The following DMD variants were observed in gnomAD, a reference collection of about 807,000 sequenced individuals.
DMD encodes mutant dystrophin.
In DMD, 63 loss-of-function variants were observed where a neutral mutation model predicts 330.1. The ratio of observed to expected loss-of-function variants is 0.19; its 90% CI spans 0.16 to 0.24. The LOEUF (loss-of-function observed/expected upper bound fraction) is 0.24. Among genes scored for constraint, DMD ranks in the 10% least tolerant of loss-of-function variants. DMD has a pLI of 1.00. For synonymous variants in DMD, 1,223 were observed against 959.8 expected (o/e 1.27, Z -5.07); for missense variants, 3,344 against 2,684.1 (o/e 1.25, Z -5.43).
chrX:33,029,944 G>A (rs759946643), intron 1 of DMD, among the ~76,000 whole-genome samples: 4 of 111,013 alleles, frequency 3.6e-5, no homozygotes, highest in Non-Finnish European at 7.6e-5. Context: ...AATGCAGGCC[G>A]GGGTTACATC....
intron 63 of DMD, among the ~76,000 whole-genome samples, chrX:31,225,766 TG>T (rs1257954053): frequency 8.9e-6 from 1 of 111,977 alleles, no homozygotes; most frequent in Non-Finnish European, 1.9e-5. Flanking sequence ...CTGATGCTGC[TG>T]GTCCAGGGAC....
chrX:32,802,876 G>A (rs2076680000), intron 7 of DMD, among the ~76,000 whole-genome samples: 1 of 111,844 alleles, frequency 8.9e-6, no homozygotes, highest in African/African-American at 3.3e-5. Flanking sequence ...CGGTTTGCCA[G>A]TATTTTATTG....
At chrX:32,636,178 C>T (rs1209850085) in intron 11 of DMD, among the ~76,000 whole-genome samples, 1 of 111,893 alleles carries the variant, frequency 8.9e-6, no homozygotes, top group African/African-American at 3.2e-5. Context: ...CTCTTTACAG[C>T]ACCTTCTTTC....
intron 7 of DMD, among the ~76,000 whole-genome samples, chrX:32,707,391 G>A (rs1328747535): frequency 8.9e-6 from 1 of 111,988 alleles, no homozygotes; most frequent in Non-Finnish European, 1.9e-5. Context: ...CAGAATGGAA[G>A]CTCTGCAGTG....
intron 44 of DMD, among the ~76,000 whole-genome samples, chrX:32,125,783 C>T (rs765082138): frequency 2.4e-4 from 26 of 110,587 alleles, no homozygotes; most frequent in African/African-American, 4.3e-4. Context: ...TGAAGTCCTG[C>T]GAGTTTTATC....
intron 59 of DMD, among the ~76,000 whole-genome samples, chrX:31,457,405 T>C (rs1458065186): frequency 8.9e-6 from 1 of 111,906 alleles, no homozygotes; most frequent in Non-Finnish European, 1.9e-5. Flanking sequence ...GGGAATGTTC[T>C]AGGCACTGGA....
intron 50 of DMD, among the ~76,000 whole-genome samples, chrX:31,817,038 T>C (rs930801736): frequency 3.6e-5 from 4 of 111,499 alleles, no homozygotes; most frequent in African/African-American, 1.3e-4. Context: ...AACCCTTGCT[T>C]GCTTGCTTTC....
At chrX:32,329,798 C>A (rs183275436) in intron 41 of DMD, among the ~76,000 whole-genome samples, 1,413 of 112,392 alleles carry the variant, frequency 0.013, 18 homozygotes, top group Middle Eastern at 0.032. Flanking sequence ...CTGGAACTTT[C>A]CCCAGTTAAT....
intron 44 of DMD, among the ~76,000 whole-genome samples, chrX:32,181,395 A>G (rs2096926588): frequency 8.9e-6 from 1 of 112,085 alleles, no homozygotes; most frequent in Non-Finnish European, 1.9e-5. Context: ...CTGATTGGAT[A>G]TATCATTGCT....
At chrX:31,822,647 C>T (rs2092787781) in intron 49 of DMD, among the ~76,000 whole-genome samples, 1 of 9,371 alleles carries the variant, frequency 1.1e-4, no homozygotes, top group Non-Finnish European at 1.6e-4. Context: ...CAGAAAAAGG[C>T]AGAGGGGTGT....
chrX:31,294,212 T>C (rs952709986), intron 62 of DMD, among the ~76,000 whole-genome samples: 1 of 111,840 alleles, frequency 8.9e-6, no homozygotes, highest in Non-Finnish European at 1.9e-5. Context: ...TTCTAGTCCA[T>C]AGCAAATGAT....
chrX:31,842,785 T>C (rs1305047529), intron 48 of DMD, among the ~76,000 whole-genome samples: 1 of 111,695 alleles, frequency 9.0e-6, no homozygotes, highest in Non-Finnish European at 1.9e-5. Context: ...ATTTATTGGG[T>C]GATACTGAGG....
intron 41 of DMD, among the ~76,000 whole-genome samples, chrX:32,321,012 A>G (rs1249407558): frequency 8.9e-6 from 1 of 111,939 alleles, no homozygotes; most frequent in Non-Finnish European, 1.9e-5. Flanking sequence ...TCAGGTAGAC[A>G]CAGCCTAAAT....
chrX:32,842,214 G>A (rs1035027221), intron 4 of DMD, among the ~76,000 whole-genome samples: 7 of 111,979 alleles, frequency 6.3e-5, no homozygotes, highest in African/African-American at 2.3e-4. Flanking sequence ...TCAGCGAAAC[G>A]GACAATGAAT....
chrX:32,235,122 A>C (rs926464944), intron 43 of DMD, among the ~76,000 whole-genome samples: 1 of 111,667 alleles, frequency 9.0e-6, no homozygotes, highest in African/African-American at 3.3e-5. Context: ...ATTATAATAT[A>C]TAATGAAATA....
At chrX:32,899,517 T>C (rs923428051) in intron 2 of DMD, among the ~76,000 whole-genome samples, 1 of 108,059 alleles carries the variant, frequency 9.3e-6, no homozygotes, top group African/African-American at 3.4e-5. Context: ...CTACTAAAAA[T>C]ACAAAAATTA....
chrX:31,851,489 T>C (rs1245046743), intron 48 of DMD, among the ~76,000 whole-genome samples: 1 of 111,834 alleles, frequency 8.9e-6, no homozygotes, highest in East Asian at 2.8e-4. Flanking sequence ...GAAGCCTCTA[T>C]GGAAGCTCTC....
intron 9 of DMD, among the ~76,000 whole-genome samples, chrX:32,685,965 A>T (rs776807746): frequency 9.0e-4 from 101 of 111,855 alleles, no homozygotes; most frequent in Non-Finnish European, 1.7e-3. Flanking sequence ...TCTTCAAAAG[A>T]ATTAATATTT....
At chrX:32,809,765 C>A (rs1379111252) in intron 6 of DMD, among the ~76,000 whole-genome samples, 154 bp from the exon 7 acceptor site, 1 of 109,352 alleles carries the variant, frequency 9.1e-6, no homozygotes, top group Non-Finnish European at 1.9e-5. Flanking sequence ...TAAAATATTT[C>A]TATTTAAACA....
Sources: allele counts gnomAD v4.1 joint callset (sites outside exome capture counted in the v4.1 genomes callset), GRCh38; gene constraint gnomAD v4.1.1; transcripts MANE v1.5; gene names NCBI Gene and HGNC (gene_info 2026-07-23, HGNC 2026-07-21).